Variants in SLC1A2 observed in about 807,000 individuals in gnomAD.
SLC1A2 encodes the protein solute carrier family 1 member 2, also known as excitatory amino acid transporter 2.
A neutral mutation model predicts 48.8 loss-of-function variants in SLC1A2; 15 were observed. That is an observed-to-expected ratio of 0.31 (90% CI 0.21 to 0.47). SLC1A2 has a LOEUF of 0.47. Ranked by LOEUF, SLC1A2 falls within the 20% of genes least tolerant of loss-of-function variation. SLC1A2 has a pLI of 0.99. For synonymous variants in SLC1A2, 279 were observed against 272.6 expected, an observed-to-expected ratio of 1.02 and a Z score of -0.23; for missense variants, 502 against 730.5, an observed-to-expected ratio of 0.69 and a Z score of 3.61.
intron 1 of SLC1A2, among the ~76,000 whole-genome samples, chr11:35,356,933 C>T (rs992191355): frequency 5.9e-5 from 9 of 151,990 alleles, no homozygotes; most frequent in Non-Finnish European, 1.2e-4. Flanking sequence ...CATTGTATCT[C>T]TTATTATAAA....
chr11:35,275,018 C>G (rs1850396681), intron 9 of SLC1A2, among the ~76,000 whole-genome samples: 2 of 152,202 alleles, frequency 1.3e-5, no homozygotes, highest in Non-Finnish European at 2.9e-5. Context: ...GGGAGAGTCC[C>G]TGGAGATTGC....
intron 4 of SLC1A2, among the ~76,000 whole-genome samples, chr11:35,308,084 G>A (rs868827485): frequency 1.3e-5 from 2 of 152,200 alleles, no homozygotes; most frequent in African/African-American, 2.4e-5. Context: ...CTATCCTAAG[G>A]ATGCTAAAGA....
intron 1 of SLC1A2, among the ~76,000 whole-genome samples, chr11:35,327,304 T>C (rs1334946797): frequency 2.0e-5 from 3 of 149,250 alleles, no homozygotes; most frequent in South Asian, 2.1e-4. Context: ...TAAATACATA[T>C]AGTATATCTA....
chr11:35,269,460 A>G (rs1412375850), intron 9 of SLC1A2, among the ~76,000 whole-genome samples: 1 of 152,172 alleles, frequency 6.6e-6, no homozygotes, highest in African/African-American at 2.4e-5. Context: ...GCTGGGTCCT[A>G]CCGTTTTTGG....
chr11:35,397,574 C>A (rs1285728553), intron 1 of SLC1A2, among the ~76,000 whole-genome samples: 1 of 152,052 alleles, frequency 6.6e-6, no homozygotes, highest in South Asian at 2.1e-4. Context: ...ACCATAAAAA[C>A]CCTAGAAGAA....
intron 1 of SLC1A2, among the ~76,000 whole-genome samples, chr11:35,345,314 C>G (rs922774807): frequency 6.9e-6 from 1 of 144,904 alleles, no homozygotes. Flanking sequence ...GCCTTGTCTT[C>G]CCTCCTTTCT....
upstream of SLC1A2, among the ~76,000 whole-genome samples, chr11:35,420,235 C>T (rs1354481347): frequency 1.3e-5 from 2 of 148,390 alleles, no homozygotes; most frequent in African/African-American, 5.0e-5. Flanking sequence ...GGGGACGGTT[C>T]TCCACCCACT....
intron 5 of SLC1A2, among the ~76,000 whole-genome samples, chr11:35,305,146 G>A (rs539594237): frequency 3.3e-5 from 5 of 152,172 alleles, no homozygotes; most frequent in South Asian, 2.1e-4. Flanking sequence ...TGGAGGTTAC[G>A]GAAGGGAGTG....
rs556784828 is a variant in SLC1A2, at chr11:35,382,632, C to T, written c.17+36318G>A. On this transcript the variant is annotated intron_variant, in intron 1 of 10. Coordinates refer to ENST00000278379, the MANE Select transcript of SLC1A2 (RefSeq NM_004171.4). ...CCAACATGGTGAAACCCTGTCTCTA[C>T]TAAAAATACAAAAATTAGCTGGGCG... Among the ~76,000 whole-genome samples the T allele has an allele frequency of 5.9e-5, 9 of 152,324 alleles. No individual in the cohort carries two copies. The South Asian group carries it at 1.7e-3, about 28-fold the overall frequency.
In SLC1A2 at chr11:35,286,720, G is replaced by A. The variant is rs376490093; in HGVS notation, c.1286+37C>T. The A allele has an allele frequency of 1.4e-5, 21 of 1,525,256 alleles. No homozygotes were observed. In the African/African-American group the frequency reaches 1.6e-4, roughly 12 times the overall value. The allele number at this position is 1,525,256 out of a possible 1,614,324, so 94.5% of individuals were successfully genotyped here. On this transcript the variant is annotated intron_variant, in intron 8 of 10. Coordinates refer to ENST00000278379, the MANE Select transcript of SLC1A2 (RefSeq NM_004171.4). ...GGAGTTAGTGTGGAGGGGAAACAGG[G>A]TAGAGGTTGTTTTGTGTTTTACCCC... is the stretch of plus-strand genomic sequence containing the variant.
chr11:35,266,183 C>T (rs1241990766), intron 9 of SLC1A2, among the ~76,000 whole-genome samples: 48 of 152,184 alleles, frequency 3.2e-4, no homozygotes, highest in Admixed American at 3.1e-3. Flanking sequence ...TTTGAAGACT[C>T]TACACTATCT....
At chr11:35,305,200 G>T (rs553112021) in intron 5 of SLC1A2, among the ~76,000 whole-genome samples, 2 of 152,124 alleles carry the variant, frequency 1.3e-5, no homozygotes, top group African/African-American at 4.8e-5. Flanking sequence ...GACTAGAGCC[G>T]CTCACATGGT....
intron 9 of SLC1A2, among the ~76,000 whole-genome samples, chr11:35,273,273 G>A (rs1850335823): frequency 6.6e-6 from 1 of 152,174 alleles, no homozygotes; most frequent in Non-Finnish European, 1.5e-5. Context: ...GCACAGCTCT[G>A]GGCATTCAAG....
rs12360706 is a variant in SLC1A2 at position 35,254,512 on chromosome 11, G to A, written c.*6382C>T. The A allele has an allele frequency of 0.12, 32,042 of 277,698 alleles. 2,061 individuals carry two copies. Among genetic ancestry groups the A allele is most frequent in the Admixed American group, 0.18 (3,522 of 20,006 alleles). The allele number at this position is 277,698 out of a possible 1,614,324, so 17.2% of individuals were successfully genotyped here. ...TGCTGGACCAACTTCCTTGGCTAGT[G>A]TGTGTATTTGCCCCCTAGCAAAGGC... On this transcript the variant is annotated 3_prime_UTR_variant, in exon 11 of 11. Transcript: ENST00000278379.
chr11:35,319,460 T>C (rs547727168), intron 1 of SLC1A2, among the ~76,000 whole-genome samples: 1 of 152,294 alleles, frequency 6.6e-6, no homozygotes, highest in Admixed American at 6.5e-5. Flanking sequence ...AACTCTCCAG[T>C]CCCCTTGAGA....
At chr11:35,296,976 C>T (rs974418183) in intron 6 of SLC1A2, among the ~76,000 whole-genome samples, 1 of 152,038 alleles carries the variant, frequency 6.6e-6, no homozygotes, top group African/African-American at 2.4e-5. Flanking sequence ...GTCTTATTCA[C>T]CATTATCTCA....
rs1950382340 is a variant in SLC1A2, at chr11:35,260,830, A to G, written c.*64T>C. 3 of 1,135,344 alleles carry G rather than the reference A, an allele frequency of 2.6e-6. No homozygotes were observed. Among genetic ancestry groups the G allele is most frequent in the Admixed American group, 1.7e-5 (1 of 57,408 alleles). The allele number at this position is 1,135,344 out of a possible 1,614,324, so 70.3% of individuals were successfully genotyped here. A position where few individuals can be genotyped will look rare whatever the true frequency, so the allele number is the denominator to read the frequency against. ...TTTCCTTTTTAAAGAAAGCTTGTTT[A>G]TATCATCAGTTACCATAGGATACGC... On this transcript the variant is annotated 3_prime_UTR_variant, in exon 11 of 11. Transcript: ENST00000278379.
chr11:35,334,069 A>G (rs77476437), intron 1 of SLC1A2, among the ~76,000 whole-genome samples: 8,529 of 152,224 alleles, frequency 0.056, 357 homozygotes, highest in African/African-American at 0.12. Context: ...TATGAAACCT[A>G]GATCCCTGAG....
At chr11:35,283,597 CTCCCATCTGTAAGT>C (rs1165333053) in intron 8 of SLC1A2, among the ~76,000 whole-genome samples, 1 of 152,110 alleles carries the variant, frequency 6.6e-6, no homozygotes, top group Non-Finnish European at 1.5e-5. Context: ...CTGGTCCATT[CTCCCATCTGTAAGT>C]TCCCATCTAA....
Sources: gnomAD v4.1 joint callset for allele counts (sites outside exome capture counted in the v4.1 genomes callset) on GRCh38, gnomAD v4.1.1 for gene constraint, MANE v1.5 for transcripts, NCBI Gene and HGNC (gene_info 2026-07-23, HGNC 2026-07-21) for gene names.